The following MEIKIN variants were observed in gnomAD, a reference collection of about 807,000 sequenced individuals.
MEIKIN encodes meiosis-specific kinetochore protein.
chr5:131,836,493 A>T lies in MEIKIN; in HGVS notation c.975+14771T>A, dbSNP rs185899540. Among the ~76,000 whole-genome samples the T allele has an allele frequency of 4.5e-3, 688 of 152,304 alleles. 7 individuals carry two copies. Among genetic ancestry groups the T allele is most frequent in the South Asian group, 0.018 (89 of 4,824 alleles). ...GCCATAATGCTTTCCACAATGGTTGAACTAATTTACACTCGCAATAACAGT... is the reference window on the plus strand; with the variant it reads ...GCCATAATGCTTTCCACAATGGTTGTACTAATTTACACTCGCAATAACAGT... On this transcript the variant is annotated intron_variant, in intron 11 of 12. Coordinates refer to ENST00000442687, the MANE Select transcript of MEIKIN (RefSeq NM_001303622.2).
intron 11 of MEIKIN, among the ~76,000 whole-genome samples, chr5:131,847,256 G>A (rs1463538745): frequency 1.3e-5 from 2 of 151,814 alleles, no homozygotes; most frequent in Admixed American, 6.6e-5. Context: ...AGAAAAACTG[G>A]GATTGGCAAA....
intron 11 of MEIKIN, among the ~76,000 whole-genome samples, chr5:131,841,532 C>T (rs1038361135): frequency 2.6e-5 from 4 of 152,150 alleles, no homozygotes; most frequent in African/African-American, 9.7e-5. Context: ...AGGTGTGATG[C>T]CTCCAGCTTT....
chr5:131,841,487 A>T (rs1440586061), intron 11 of MEIKIN, among the ~76,000 whole-genome samples: 1 of 152,180 alleles, frequency 6.6e-6, no homozygotes. Context: ...ACAGGTATAG[A>T]CTACTATTGT....
At chr5:131,833,778 A>G (rs1007031480) in intron 11 of MEIKIN, among the ~76,000 whole-genome samples, 1 of 152,218 alleles carries the variant, frequency 6.6e-6, no homozygotes, top group Non-Finnish European at 1.5e-5. Context: ...GAGACATACA[A>G]TTCAAGTTGA....
intron 11 of MEIKIN, among the ~76,000 whole-genome samples, chr5:131,842,186 CA>C (rs1300416300): frequency 6.6e-6 from 1 of 152,116 alleles, no homozygotes; most frequent in African/African-American, 2.4e-5. Flanking sequence ...AGGATGATCT[CA>C]ATCTCTTGAC....
At chr5:131,887,260 T>C (rs1303650625) in intron 8 of MEIKIN, among the ~76,000 whole-genome samples, 1 of 152,146 alleles carries the variant, frequency 6.6e-6, no homozygotes, top group Non-Finnish European at 1.5e-5. Context: ...GTTCCAAGTC[T>C]TTGCTATTGT....
intron 11 of MEIKIN, among the ~76,000 whole-genome samples, chr5:131,833,600 A>G (rs562767369): frequency 6.6e-6 from 1 of 152,310 alleles, no homozygotes; most frequent in African/African-American, 2.4e-5. Flanking sequence ...CACTTCTTAC[A>G]TGGCAGCAGC....
intron 9 of MEIKIN, among the ~76,000 whole-genome samples, chr5:131,861,426 T>C (rs1241187105): frequency 1.3e-5 from 2 of 151,754 alleles, no homozygotes; most frequent in African/African-American, 4.8e-5. Context: ...AAGAAGAGGG[T>C]CAATTTGAGT....
chr5:131,814,664 T>C (rs901813865), intron 12 of MEIKIN, among the ~76,000 whole-genome samples: 11 of 152,200 alleles, frequency 7.2e-5, no homozygotes, highest in African/African-American at 2.7e-4. Context: ...AAGGTGATCT[T>C]AGCAGAGGAG....
chr5:131,889,772 G>A (rs1750873581), intron 8 of MEIKIN, among the ~76,000 whole-genome samples: 2 of 152,166 alleles, frequency 1.3e-5, no homozygotes, highest in South Asian at 4.1e-4. Context: ...ATGCGAGAGG[G>A]CATCTTTGGC....
chr5:131,857,258 T>TG (rs1456184343), intron 9 of MEIKIN, among the ~76,000 whole-genome samples: 1 of 151,978 alleles, frequency 6.6e-6, no homozygotes, highest in Admixed American at 6.6e-5. Context: ...TATTTCAACT[T>TG]GAAAAAAAGA....
intron 8 of MEIKIN, among the ~76,000 whole-genome samples, chr5:131,881,044 G>A (rs186159856): frequency 6.6e-6 from 1 of 152,216 alleles, no homozygotes; most frequent in East Asian, 1.9e-4. Flanking sequence ...GGGTCTTTGA[G>A]GGTAAGAAGC....
At chr5:131,895,673 C>T (rs1751027310) in intron 8 of MEIKIN, among the ~76,000 whole-genome samples, 2 of 152,160 alleles carry the variant, frequency 1.3e-5, no homozygotes, top group African/African-American at 4.8e-5. Flanking sequence ...AGTTTATTTG[C>T]ATAGAGGTGT....
intron 4 of MEIKIN, among the ~76,000 whole-genome samples, chr5:131,936,617 C>T (rs756845978): frequency 8.6e-5 from 13 of 151,960 alleles, no homozygotes; most frequent in South Asian, 2.1e-4. Flanking sequence ...CTTTTTGAGA[C>T]GGAGTCTCAC....
intron 9 of MEIKIN, among the ~76,000 whole-genome samples, chr5:131,870,235 C>A (rs971538766): frequency 1.3e-5 from 2 of 152,060 alleles, no homozygotes; most frequent in Non-Finnish European, 2.9e-5. Context: ...TGTAAATAAT[C>A]AAAAATAACA....
At chr5:131,844,857 G>T (rs1478964281) in intron 11 of MEIKIN, among the ~76,000 whole-genome samples, 3 of 152,112 alleles carry the variant, frequency 2.0e-5, no homozygotes, top group Non-Finnish European at 4.4e-5. Flanking sequence ...CAGTGACTGT[G>T]CATGTCTAGA....
intron 11 of MEIKIN, among the ~76,000 whole-genome samples, chr5:131,840,192 A>G (rs184244144): frequency 1.1e-4 from 16 of 152,258 alleles, no homozygotes; most frequent in Non-Finnish European, 1.3e-4. Context: ...TTGGTCCCCA[A>G]TCTCTTCTGC....
chr5:131,904,229 TAAACACC>T (rs1375140309), intron 8 of MEIKIN, among the ~76,000 whole-genome samples: 1 of 152,134 alleles, frequency 6.6e-6, no homozygotes, highest in South Asian at 2.1e-4. Flanking sequence ...ATGGGACATT[TAAACACC>T]CACTGACAGT....
Position 131,825,600 on chromosome 5 carries a change from C to A in MEIKIN, c.976-6737G>T, listed in dbSNP as rs138119740. 3.3e-3 allele frequency among the ~76,000 whole-genome samples: 503 copies of A among 152,282 alleles called. 2 individuals are homozygous for A. Among genetic ancestry groups the A allele is most frequent in the African/African-American group, 0.012 (482 of 41,548 alleles). ...TTCATGACAGACCTCAGCTACTCAG[C>A]CCCCAGAGGTCAAACAGACACAGTG... On this transcript the variant is annotated intron_variant, in intron 11 of 12. Transcript: ENST00000442687.
Sources: gnomAD v4.1 joint callset for allele counts (sites outside exome capture counted in the v4.1 genomes callset) on GRCh38, gnomAD v4.1.1 for gene constraint, MANE v1.5 for transcripts, NCBI Gene and HGNC (gene_info 2026-07-23, HGNC 2026-07-21) for gene names.